The following RNF150 variants were observed in gnomAD, a reference collection of about 807,000 sequenced individuals.
RNF150 encodes ring finger protein 150.
Under a neutral mutation model 39.3 loss-of-function variants are expected in RNF150, and 24 were observed. The ratio of observed to expected loss-of-function variants is 0.61; its 90% CI spans 0.44 to 0.86. The LOEUF is 0.86. Ranked by LOEUF, RNF150 falls within the 40% of genes least tolerant of loss-of-function variation. RNF150 has a pLI of 0.00. For missense variants in RNF150, 502 were observed against 587.8 expected (o/e 0.85, Z 1.51); for synonymous variants, 255 against 227.3 (o/e 1.12, Z -1.10).
intron 1 of RNF150, among the ~76,000 whole-genome samples, chr4:141,040,470 T>G (rs894960552): frequency 6.6e-6 from 1 of 152,170 alleles, no homozygotes; most frequent in African/African-American, 2.4e-5. Context: ...ATGGAAATAA[T>G]AATATACTTC....
chr4:140,867,750 C>CAG lies in RNF150; in HGVS notation c.*509_*510dup, dbSNP rs1198654702. On this transcript the variant is annotated 3_prime_UTR_variant, in exon 7 of 7. Transcript: ENST00000515673. ...GCTGGGAGGTCAAGACCACATATCTCAGAGATGGAATACAAACTGATCATA... is the reference window on the plus strand; with the variant it reads ...GCTGGGAGGTCAAGACCACATATCTCAGAGAGATGGAATACAAACTGATCATA... The CAG allele has an allele frequency of 6.6e-6, 1 of 152,586 alleles. No individual in the cohort carries two copies. The highest frequency in any genetic ancestry group is 1.9e-4 in the East Asian group (1 of 5,190). The allele number at this position is 152,586 out of a possible 1,614,324, so 9.5% of individuals were successfully genotyped here. A position where few individuals can be genotyped will look rare whatever the true frequency, so the allele number is the denominator to read the frequency against.
intron 1 of RNF150, among the ~76,000 whole-genome samples, chr4:141,155,252 A>ATTTTT (rs70946798): frequency 1.7e-4 from 22 of 126,380 alleles, no homozygotes; most frequent in East Asian, 4.7e-4. Context: ...CACCCGGCTG[A>ATTTTT]TTTTTTTTTT....
intron 1 of RNF150, among the ~76,000 whole-genome samples, chr4:141,026,108 G>C (rs1034829170): frequency 2.6e-5 from 4 of 152,098 alleles, no homozygotes; most frequent in Non-Finnish European, 5.9e-5. Flanking sequence ...AGACTCTCCA[G>C]ACTTCACAAC....
At chr4:141,090,401 T>C (rs1442866879) in intron 1 of RNF150, among the ~76,000 whole-genome samples, 2 of 152,128 alleles carry the variant, frequency 1.3e-5, no homozygotes, top group Non-Finnish European at 2.9e-5. Flanking sequence ...AAATTTTAAG[T>C]AGCAGAAAAG....
At chr4:140,908,871 T>C (rs1730489091) in intron 6 of RNF150, among the ~76,000 whole-genome samples, 1 of 152,200 alleles carries the variant, frequency 6.6e-6, no homozygotes, top group Non-Finnish European at 1.5e-5. Flanking sequence ...CTCTTCAAAA[T>C]AAGGAATCTG....
intron 4 of RNF150, among the ~76,000 whole-genome samples, chr4:140,932,023 C>T (rs543909148): frequency 2.0e-4 from 30 of 152,246 alleles, no homozygotes; most frequent in South Asian, 6.2e-4. Context: ...TTGTAGACAC[C>T]GTTGGACCCT....
At chr4:141,025,172 G>A (rs940842828) in intron 1 of RNF150, among the ~76,000 whole-genome samples, 1 of 152,030 alleles carries the variant, frequency 6.6e-6, no homozygotes, top group Non-Finnish European at 1.5e-5. Flanking sequence ...TATAAAATAA[G>A]TACACCTAAA....
At chr4:141,192,624 T>C (rs892566232) in intron 1 of RNF150, among the ~76,000 whole-genome samples, 1 of 152,074 alleles carries the variant, frequency 6.6e-6, no homozygotes, top group Non-Finnish European at 1.5e-5. Flanking sequence ...GGGGAAGACA[T>C]GTAGGAGAGT....
At chr4:141,158,210 G>A (rs1727448647) in intron 1 of RNF150, among the ~76,000 whole-genome samples, 1 of 152,154 alleles carries the variant, frequency 6.6e-6, no homozygotes, top group South Asian at 2.1e-4. Flanking sequence ...AGAGTCACTT[G>A]AACCCAGGAG....
At chr4:140,974,374 G>T (rs561650888) in intron 1 of RNF150, among the ~76,000 whole-genome samples, 3 of 152,310 alleles carry the variant, frequency 2.0e-5, no homozygotes, top group Middle Eastern at 3.4e-3. Flanking sequence ...TTCCATGGTA[G>T]AGAATGTGGT....
chr4:140,917,863 A>G (rs1244689798), intron 5 of RNF150, among the ~76,000 whole-genome samples: 2 of 151,874 alleles, frequency 1.3e-5, no homozygotes, highest in Non-Finnish European at 2.9e-5. Context: ...AGTGCAATCA[A>G]ACTAGAACTC....
intron 1 of RNF150, among the ~76,000 whole-genome samples, chr4:141,085,185 C>T (rs567243891): frequency 1.7e-4 from 26 of 152,244 alleles, no homozygotes; most frequent in Non-Finnish European, 3.2e-4. Context: ...TGGCGGCAGG[C>T]AAGACAGCAT....
At chr4:140,955,212 C>T (rs564137365) in intron 2 of RNF150, among the ~76,000 whole-genome samples, 13 of 152,182 alleles carry the variant, frequency 8.5e-5, no homozygotes, top group Admixed American at 2.6e-4. Context: ...TGTGGATCAC[C>T]ACTCCACAAA....
chr4:140,910,394 T>C (rs745364119), intron 6 of RNF150, among the ~76,000 whole-genome samples: 1 of 152,354 alleles, frequency 6.6e-6, no homozygotes, highest in Middle Eastern at 3.4e-3. Context: ...TTATCTCTTA[T>C]ATTAGACTGA....
In RNF150 at chr4:141,148,419, C is replaced by T. The variant is rs572668082; in HGVS notation, c.-6+64375G>A. Among the ~76,000 whole-genome samples the T allele has an allele frequency of 1.4e-3, 213 of 152,226 alleles. 1 individual carries two copies. The highest frequency in any genetic ancestry group is 4.9e-3 in the African/African-American group (202 of 41,516). The stretch of plus-strand genomic sequence containing the variant: ...ATTTCTGTCAGTAACTGCCCCTGGA[C>T]AACAGCTTTAGCAGGTTCTTAAAGC... On this transcript the variant is annotated intron_variant, in intron 1 of 7. Coordinates refer to the RNF150 transcript ENST00000420921.
intron 1 of RNF150, among the ~76,000 whole-genome samples, chr4:141,212,499 G>A (rs370168448): frequency 6.6e-6 from 1 of 152,110 alleles, no homozygotes; most frequent in East Asian, 1.9e-4. Context: ...GTAGGAATTC[G>A]CTTGTGGTGT....
intron 1 of RNF150, among the ~76,000 whole-genome samples, chr4:141,122,459 T>C (rs1726639444): frequency 6.6e-6 from 1 of 152,176 alleles, no homozygotes; most frequent in Non-Finnish European, 1.5e-5. Flanking sequence ...TGCTCCTGAG[T>C]GAGCAAACAT....
intron 1 of RNF150, among the ~76,000 whole-genome samples, chr4:141,145,988 A>G (rs902050257): frequency 9.9e-5 from 15 of 152,190 alleles, no homozygotes; most frequent in African/African-American, 3.6e-4. Context: ...ACTGCCTTCC[A>G]CCTACTGTTC....
intron 1 of RNF150, among the ~76,000 whole-genome samples, chr4:140,983,117 T>C (rs1468523435): frequency 6.6e-6 from 1 of 152,178 alleles, no homozygotes; most frequent in Non-Finnish European, 1.5e-5. Flanking sequence ...TTCATTGTGA[T>C]GGATCTTTGT....
Sources: gnomAD v4.1 joint callset for allele counts (sites outside exome capture counted in the v4.1 genomes callset) on GRCh38, gnomAD v4.1.1 for gene constraint, MANE v1.5 for transcripts, NCBI Gene and HGNC (gene_info 2026-07-23, HGNC 2026-07-21) for gene names.